The following STOX2 variants were observed in gnomAD, a reference collection of about 807,000 sequenced individuals.
STOX2 encodes storkhead box 2, also known as storkhead-box protein 2.
A neutral mutation model predicts 60.9 loss-of-function variants in STOX2; 28 were observed. That is an observed-to-expected ratio of 0.46 (90% CI 0.34 to 0.63). The LOEUF is 0.63. Ranked by LOEUF, STOX2 falls within the 30% of genes least tolerant of loss-of-function variation. The pLI, the probability that STOX2 is intolerant of heterozygous loss-of-function variation, is 0.01. For missense variants in STOX2, 1,024 were observed against 1,187.7 expected (o/e 0.86, Z 2.03); for synonymous variants, 472 against 463.9 (o/e 1.02, Z -0.22).
rs200423474 is a variant in STOX2 at position 184,009,459 on chromosome 4, C to T, written c.621C>T (p.His207=). ...DSCHCCREDV[H]STHAPTLQRK... ...GCCACTGCTGCAGAGAAGACGTGCA[C>T]AGCACGCATGCACCCACCCTGCAAA... The change falls in exon 3 of 4, where the codon CAC becomes CAT. Residue 207 remains histidine, a synonymous_variant. Coordinates refer to ENST00000308497, the MANE Select transcript of STOX2 (RefSeq NM_020225.3). This position sits in a 1 kb window ranked among gnomAD's most constrained non-coding sequence, Gnocchi z 4.0. The T allele has an allele frequency of 3.0e-5, 48 of 1,613,936 alleles. No homozygotes were observed. The African/African-American group carries it at 5.6e-4, about 19-fold the overall frequency.
At chr4:183,891,608 G>C (rs1269990561) in intron 1 of STOX2, among the ~76,000 whole-genome samples, 1 of 151,400 alleles carries the variant, frequency 6.6e-6, no homozygotes, top group Admixed American at 6.6e-5. Context: ...GACTTGGGAG[G>C]AAAGGGTGGG....
At chr4:183,930,809 T>A (rs1238863486) in intron 1 of STOX2, among the ~76,000 whole-genome samples, 1 of 152,110 alleles carries the variant, frequency 6.6e-6, no homozygotes, top group Non-Finnish European at 1.5e-5. Flanking sequence ...AACTTCAATA[T>A]CAGTTGAAAT....
chr4:184,008,040 C>T (rs1249233106), intron 2 of STOX2, among the ~76,000 whole-genome samples: 1 of 152,214 alleles, frequency 6.6e-6, no homozygotes, highest in African/African-American at 2.4e-5. Flanking sequence ...CGGCCCCAGC[C>T]TTTTAGTCTC....
At chr4:183,876,304 G>C (rs562977124) in intron 1 of STOX2, among the ~76,000 whole-genome samples, 4 of 152,336 alleles carry the variant, frequency 2.6e-5, no homozygotes, top group South Asian at 4.1e-4. Flanking sequence ...GACTGCAAAG[G>C]CTGTGCGTAA....
intron 1 of STOX2, among the ~76,000 whole-genome samples, chr4:183,893,528 A>G (rs1305018700): frequency 6.6e-6 from 1 of 152,200 alleles, no homozygotes; most frequent in Non-Finnish European, 1.5e-5. Flanking sequence ...CATTTGCAAC[A>G]GATCTTGAGT....
chr4:183,836,617 T>G lies in STOX2; in HGVS notation c.364+38562T>G, dbSNP rs1260027802. Among the ~76,000 whole-genome samples the G allele has an allele frequency of 6.6e-6, 1 of 152,190 alleles. No individual in the cohort carries two copies. Among genetic ancestry groups the G allele is most frequent in the African/African-American group, 2.4e-5 (1 of 41,436 alleles). On this transcript the variant is annotated intron_variant, in intron 1 of 2. Transcript: ENST00000513034. The surrounding 1 kb of genome is among the most constrained non-coding windows in gnomAD (Gnocchi z 4.1). ...ATACAATGGGAAGGGATCTGGGAAG[T>G]GCAGTCTTCCATGTCCTGGGAAGGG... is the stretch of plus-strand genomic sequence containing the variant.
intron 1 of STOX2, among the ~76,000 whole-genome samples, chr4:183,844,652 A>C (rs960759475): frequency 1.3e-5 from 2 of 152,222 alleles, no homozygotes; most frequent in African/African-American, 2.4e-5. Flanking sequence ...AATTGCAGTT[A>C]TTAAAAAGTT....
rs1327120359 is a variant in STOX2 at position 183,885,272 on chromosome 4, T to G, written c.364+87217T>G. 5.9e-5 allele frequency among the ~76,000 whole-genome samples: 9 copies of G among 152,302 alleles called. No individual in the cohort carries two copies. In the East Asian group the frequency reaches 1.7e-3, roughly 29 times the overall value. On this transcript the variant is annotated intron_variant, in intron 1 of 2. Transcript: ENST00000513034. ...GGTGTGTATTTGTTTTACCCTTTCT[T>G]TGCCATTGGCTTTGGCTGGTCCAAG... is the stretch of plus-strand genomic sequence containing the variant.
intron 1 of STOX2, among the ~76,000 whole-genome samples, chr4:184,000,893 A>C (rs1350254070): frequency 1.3e-5 from 2 of 152,248 alleles, no homozygotes; most frequent in African/African-American, 2.4e-5. Flanking sequence ...CTGTCTCTGC[A>C]GCTCCCGTTC....
chr4:183,859,179 A>G (rs892837), intron 1 of STOX2, among the ~76,000 whole-genome samples: 8 of 152,100 alleles, frequency 5.3e-5, no homozygotes, highest in African/African-American at 1.7e-4. Context: ...TGCCTTGCTC[A>G]TCGCTGTGCC....
At chr4:183,820,107 A>G (rs955099326) in intron 1 of STOX2, among the ~76,000 whole-genome samples, 2 of 151,854 alleles carry the variant, frequency 1.3e-5, no homozygotes, top group Admixed American at 1.3e-4. Context: ...TCTTTTTTTT[A>G]AGAGATGGGG....
chr4:184,007,181 A>T (rs1733908356), intron 2 of STOX2, among the ~76,000 whole-genome samples: 1 of 152,178 alleles, frequency 6.6e-6, no homozygotes, highest in African/African-American at 2.4e-5. Context: ...TCTATGAACA[A>T]TGCTACCTTT....
chr4:183,990,470 A>T (rs1455042288), intron 1 of STOX2, among the ~76,000 whole-genome samples: 3 of 152,002 alleles, frequency 2.0e-5, no homozygotes, highest in Non-Finnish European at 4.4e-5. Context: ...GAAGGCAGAG[A>T]TCAAGATTTA....
chr4:183,868,550 C>T (rs1022689925), intron 1 of STOX2, among the ~76,000 whole-genome samples: 2 of 152,192 alleles, frequency 1.3e-5, no homozygotes, highest in African/African-American at 2.4e-5. Flanking sequence ...ACGAATGTCC[C>T]GACTTGAGTG....
intron 1 of STOX2, among the ~76,000 whole-genome samples, chr4:183,989,381 T>A (rs950399979): frequency 6.6e-6 from 1 of 152,108 alleles, no homozygotes; most frequent in African/African-American, 2.4e-5. Flanking sequence ...TTTGTATTTT[T>A]AGTAGGGACG....
At chr4:184,000,073 G>A (rs752485089) in intron 1 of STOX2, among the ~76,000 whole-genome samples, 4 of 152,126 alleles carry the variant, frequency 2.6e-5, no homozygotes, top group Non-Finnish European at 4.4e-5. Context: ...CATCCTCCTC[G>A]TGTAGGACAT....
chr4:183,870,593 T>C (rs1211383101), intron 1 of STOX2, among the ~76,000 whole-genome samples: 1 of 152,242 alleles, frequency 6.6e-6, no homozygotes, highest in Non-Finnish European at 1.5e-5. Context: ...CTGTGTGCTC[T>C]TTCACTTAAA....
At chr4:183,810,694 AATGG>A (rs143341031) in intron 1 of STOX2, among the ~76,000 whole-genome samples, 2,008 of 152,038 alleles carry the variant, frequency 0.013, 41 homozygotes, top group African/African-American at 0.046. Flanking sequence ...GTTCTGGATA[AATGG>A]ATGAATTGCC....
chr4:183,991,201 C>G (rs1733090982), intron 1 of STOX2, among the ~76,000 whole-genome samples: 2 of 152,156 alleles, frequency 1.3e-5, no homozygotes, highest in Admixed American at 1.3e-4. Context: ...TGTTTGCACT[C>G]CCAGCCTGGT....
Sources: gnomAD v4.1 joint callset for allele counts (sites outside exome capture counted in the v4.1 genomes callset) on GRCh38, gnomAD v4.1.1 for gene constraint, Gnocchi (gnomAD v3.1) non-coding constraint, MANE v1.5 for transcripts, NCBI Gene and HGNC (gene_info 2026-07-23, HGNC 2026-07-21) for gene names.